MTUS1: variants seen among roughly 807,000 people sequenced by gnomAD.
The protein encoded by MTUS1 is microtubule associated scaffold protein 1, also known as microtubule-associated tumor suppressor 1.
Under a neutral mutation model 120.8 loss-of-function variants are expected in MTUS1, and 109 were observed. That is an observed-to-expected ratio of 0.90 (90% confidence interval 0.77 to 1.06). The LOEUF (loss-of-function observed/expected upper bound fraction) is 1.06. Among genes scored for constraint, MTUS1 ranks in the 50% least tolerant of loss-of-function variants. The pLI is 0.00. For missense variants in MTUS1, 2,210 were observed against 1,486.3 expected, an observed-to-expected ratio of 1.49 and a Z score of -8.01; for synonymous variants, 737 against 550.5, an observed-to-expected ratio of 1.34 and a Z score of -4.74.
intron 1 of MTUS1, 86 bp downstream of exon 1, chr8:17,800,975 G>C (rs1586488514): frequency 6.6e-6 from 1 of 152,190 alleles, no homozygotes; most frequent in Non-Finnish European, 1.5e-5. Flanking sequence ...CCGAGGACCG[G>C]TCCCGTCACC....
intron 5 of MTUS1, among the ~76,000 whole-genome samples, chr8:17,714,315 T>G (rs1397603234): frequency 6.6e-6 from 1 of 152,132 alleles, no homozygotes; most frequent in Admixed American, 6.5e-5. Flanking sequence ...TATTATCCTT[T>G]AAACACACAC....
At chr8:17,693,877 CG>C (rs1817448651) in intron 6 of MTUS1, among the ~76,000 whole-genome samples, 1 of 152,128 alleles carries the variant, frequency 6.6e-6, no homozygotes, top group Non-Finnish European at 1.5e-5. Flanking sequence ...ACTCATCTAA[CG>C]GGTACTTCTT....
chr8:17,697,961 T>C (rs1213426720), intron 6 of MTUS1, among the ~76,000 whole-genome samples: 1 of 152,346 alleles, frequency 6.6e-6, no homozygotes, highest in East Asian at 1.9e-4. Flanking sequence ...GTAAACTACA[T>C]TTAAACCTGG....
intron 3 of MTUS1, among the ~76,000 whole-genome samples, chr8:17,731,534 C>G (rs1046880914): frequency 2.6e-5 from 4 of 151,576 alleles, no homozygotes; most frequent in Non-Finnish European, 5.9e-5. Flanking sequence ...AAGATGAAAC[C>G]ATAAAAAAAA....
chr8:17,649,881 G>C lies in MTUS1; in HGVS notation c.3466C>G (p.Gln1156Glu). 1.2e-6 allele frequency: 2 copies of C among 1,606,130 alleles called. No individual in the cohort carries two copies. Among genetic ancestry groups the C allele is most frequent in the African/African-American group, 2.7e-5 (2 of 74,850 alleles). ...VLEIKNEKLH[Q>E]QDIKLMKMEK... ...ATTTTCATTAACTTGATGTCCTGTTGATGCAGTTTCTCATTCTTGATCTCT... is the reference window on the plus strand; with the variant it reads ...ATTTTCATTAACTTGATGTCCTGTTCATGCAGTTTCTCATTCTTGATCTCT... Residue 1156 changes from glutamine to glutamate, a missense_variant, in exon 13 of 15, where the codon CAA becomes GAA. Transcript: ENST00000693296.
intron 3 of MTUS1, among the ~76,000 whole-genome samples, chr8:17,727,889 C>T (rs2046321374): frequency 1.3e-5 from 2 of 152,256 alleles, no homozygotes; most frequent in South Asian, 2.1e-4. Context: ...AATAACACCT[C>T]CACTTTGCCT....
rs542398980 is a variant in MTUS1 at position 17,756,523 on chromosome 8, T to C, written c.-154-562A>G. On this transcript the variant is annotated intron_variant, in intron 1 of 14. Transcript: ENST00000693296. ...TGTTTTTATTCCTATCTTAAACATATGCTATTTCCAAATTGAAGGGGAAAA... is the reference window on the plus strand; with the variant it reads ...TGTTTTTATTCCTATCTTAAACATACGCTATTTCCAAATTGAAGGGGAAAA... Among the ~76,000 whole-genome samples the C allele has an allele frequency of 3.6e-4, 54 of 151,950 alleles. No individual in the cohort carries two copies. In the South Asian group the frequency reaches 4.6e-3, roughly 13 times the overall value.
chr8:17,692,438 G>A (rs543696812), intron 6 of MTUS1, among the ~76,000 whole-genome samples: 3 of 152,236 alleles, frequency 2.0e-5, no homozygotes, highest in South Asian at 2.1e-4. Flanking sequence ...CAGAGCCACC[G>A]AACAACCTCA....
At position 17,753,748 on chromosome 8, in the gene MTUS1, T is replaced by A; in HGVS notation, c.2060A>T (p.Asn687Ile). 6.2e-7 allele frequency: 1 copy of A among 1,610,678 alleles called. No homozygotes were observed. The highest frequency in any genetic ancestry group is 8.5e-7 in the Non-Finnish European group (1 of 1,179,128). ...CAGAGAACCATATTCAAAAGTCTCATTCATAATCTCTTGTTTCAGCTCTTG... is the reference window on the plus strand; with the variant it reads ...CAGAGAACCATATTCAAAAGTCTCAATCATAATCTCTTGTTTCAGCTCTTG... ...EKQELKQEIMNETFEYGSLFL... is the reference protein window; with the variant it reads ...EKQELKQEIMIETFEYGSLFL... The change falls in exon 2 of 15, where the codon AAT (asparagine) becomes ATT (isoleucine). Residue 687 changes from asparagine (N) to isoleucine (I), a missense_variant. Transcript: ENST00000693296.
intron 6 of MTUS1, among the ~76,000 whole-genome samples, chr8:17,712,291 T>C (rs1199311756): frequency 2.6e-5 from 4 of 152,108 alleles, no homozygotes; most frequent in Admixed American, 2.6e-4. Flanking sequence ...AATAAGACAA[T>C]GTAGGCAGTG....
intron 1 of MTUS1, among the ~76,000 whole-genome samples, chr8:17,787,894 G>A (rs1430188973): frequency 6.6e-6 from 1 of 152,238 alleles, no homozygotes; most frequent in African/African-American, 2.4e-5. Flanking sequence ...GCCGAGGCAG[G>A]CGGATCACCT....
chr8:17,674,293 T>G (rs28679501), intron 8 of MTUS1, among the ~76,000 whole-genome samples: 94,462 of 151,748 alleles, frequency 0.62, 30,733 homozygotes, highest in East Asian at 0.82. Context: ...GGTGGTGTGC[T>G]CCTGTTGTCC....
intron 8 of MTUS1, among the ~76,000 whole-genome samples, chr8:17,657,495 G>C (rs1030725969): frequency 1.3e-5 from 2 of 150,186 alleles, no homozygotes; most frequent in African/African-American, 4.9e-5. Context: ...GTGAACCCGG[G>C]AGGCGGAGCT....
chr8:17,657,541 C>T (rs1383372216), intron 8 of MTUS1, among the ~76,000 whole-genome samples: 2 of 150,344 alleles, frequency 1.3e-5, no homozygotes, highest in Non-Finnish European at 3.0e-5. Flanking sequence ...GCACTCCAGC[C>T]TGGGCGACAG....
At chr8:17,766,137 CA>C (rs2049469414) in intron 1 of MTUS1, among the ~76,000 whole-genome samples, 1 of 152,172 alleles carries the variant, frequency 6.6e-6, no homozygotes, top group African/African-American at 2.4e-5. Context: ...GAATTTTTGT[CA>C]CCAAGTTCAA....
At chr8:17,651,041 G>C (rs1456611984) in intron 12 of MTUS1, among the ~76,000 whole-genome samples, 2 of 152,196 alleles carry the variant, frequency 1.3e-5, no homozygotes, top group African/African-American at 2.4e-5. Context: ...CACAGAAAGA[G>C]GAAACGTGTT....
At chr8:17,743,849 C>T in intron 2 of MTUS1, 50 bp from the exon 3 acceptor site, 3 of 1,519,312 alleles carry the variant, frequency 2.0e-6, no homozygotes, top group South Asian at 2.4e-5. Flanking sequence ...ATTCTAAGCC[C>T]CCCAACTGAC....
At chr8:17,749,692 A>G (rs1370120090) in intron 2 of MTUS1, among the ~76,000 whole-genome samples, 1 of 151,952 alleles carries the variant, frequency 6.6e-6, no homozygotes, top group African/African-American at 2.4e-5. Flanking sequence ...AGAAAAAGAA[A>G]GAAAATCTTT....
Position 17,755,140 on chromosome 8 carries a change from T to C in MTUS1, c.668A>G (p.Tyr223Cys). 1.2e-6 allele frequency: 2 copies of C among 1,614,122 alleles called. No homozygotes were observed. Among genetic ancestry groups the C allele is most frequent in the Non-Finnish European group, 8.5e-7 (1 of 1,180,022 alleles). ...AGGGTTTTCAAAGCTTTCTCTATCA[T>C]AAGTAGTTTCTCTTGCATGCGTCTT... ...SDKTHARETTYDRESFENPQV... is the reference protein window; with the variant it reads ...SDKTHARETTCDRESFENPQV... The change falls in exon 2 of 15, where the codon TAT (tyrosine) becomes TGT (cysteine). Residue 223 changes from tyrosine to cysteine, a missense_variant. Transcript: ENST00000693296.
Sources: gnomAD v4.1 joint callset for allele counts (sites outside exome capture counted in the v4.1 genomes callset) on GRCh38, gnomAD v4.1.1 for gene constraint, MANE v1.5 for transcripts, NCBI Gene and HGNC (gene_info 2026-07-23, HGNC 2026-07-21) for gene names.